The following FRMD5 variants were observed in gnomAD, a reference collection of about 807,000 sequenced individuals.
FRMD5 encodes the protein FERM domain-containing protein 5.
FRMD5 carries 20 observed loss-of-function variants against 69.0 expected under a neutral mutation model. The ratio of observed to expected loss-of-function variants is 0.29; its 90% CI spans 0.20 to 0.42. The LOEUF (loss-of-function observed/expected upper bound fraction) is 0.42, where lower values mean the gene tolerates loss of function less well. Ranked by LOEUF, FRMD5 falls within the 10% of genes least tolerant of loss-of-function variation. FRMD5 has a pLI of 1.00. For synonymous variants in FRMD5, 271 were observed against 260.1 expected (o/e 1.04, Z -0.40); for missense variants, 595 against 708.6 (o/e 0.84, Z 1.82).
chr15:43,968,369 G>A (rs2090327041), intron 1 of FRMD5, among the ~76,000 whole-genome samples: 1 of 152,224 alleles, frequency 6.6e-6, no homozygotes, highest in African/African-American at 2.4e-5. Flanking sequence ...TGAGGTAGAT[G>A]TATGCTGTCC....
At chr15:44,154,916 T>C (rs901260239) in intron 1 of FRMD5, among the ~76,000 whole-genome samples, 2 of 152,118 alleles carry the variant, frequency 1.3e-5, no homozygotes, top group African/African-American at 4.8e-5. Flanking sequence ...AATGGGTGAA[T>C]TGTAGGACAT....
chr15:44,106,252 G>A (rs1474805578), intron 1 of FRMD5, among the ~76,000 whole-genome samples: 1 of 151,954 alleles, frequency 6.6e-6, no homozygotes. Flanking sequence ...ATAGAAAGAC[G>A]AACTAATACC....
chr15:44,055,452 C>T (rs1892833331), intron 1 of FRMD5, among the ~76,000 whole-genome samples: 2 of 152,148 alleles, frequency 1.3e-5, no homozygotes, highest in African/African-American at 4.8e-5. Flanking sequence ...CTATCCTCAG[C>T]TACTAAGAGG....
chr15:43,894,550 G>A (rs915387181), intron 7 of FRMD5, among the ~76,000 whole-genome samples: 2 of 152,130 alleles, frequency 1.3e-5, no homozygotes, highest in South Asian at 2.1e-4. Context: ...CATAATGCCC[G>A]CTGAGATAAA....
chr15:44,005,496 A>T (rs1890401779), intron 1 of FRMD5, among the ~76,000 whole-genome samples: 1 of 151,912 alleles, frequency 6.6e-6, no homozygotes, highest in South Asian at 2.1e-4. Flanking sequence ...AAAAAAAAGA[A>T]AAAAGAAATA....
Position 44,064,642 on chromosome 15 carries a change from C to G in FRMD5, c.102+130311G>C, listed in dbSNP as rs1207077658. 1.3e-5 allele frequency among the ~76,000 whole-genome samples: 2 copies of G among 152,038 alleles called. 1 individual carries two copies. The highest frequency in any genetic ancestry group is 3.9e-4 in the East Asian group (2 of 5,186). On this transcript the variant is annotated intron_variant, in intron 1 of 13. Transcript: ENST00000417257. ...GCCTCTACCTCCCCCTTTAGAGGAG[C>G]TTAGAAAAAATAAAAGTGAAAAAAT...
At position 43,911,906 on chromosome 15, in the gene FRMD5, A is replaced by G. The variant is rs142102411; in HGVS notation, c.330-1927T>C. On this transcript the variant is annotated intron_variant, in intron 4 of 13. Coordinates refer to ENST00000417257, the MANE Select transcript of FRMD5 (RefSeq NM_032892.5). ...GGAGGTGGTAGGAAGGGGTCCTAGC[A>G]GGTAACTCTGAGAGGCTTGGGCTTG... 8.0e-3 allele frequency among the ~76,000 whole-genome samples: 1,211 copies of G among 152,248 alleles called. 27 individuals carry two copies. Among genetic ancestry groups the G allele is most frequent in the East Asian group, 0.064 (330 of 5,184 alleles).
intron 1 of FRMD5, among the ~76,000 whole-genome samples, chr15:44,133,750 G>A (rs1267806360): frequency 6.6e-6 from 1 of 151,806 alleles, no homozygotes; most frequent in African/African-American, 2.4e-5. Context: ...CAAAACTCTA[G>A]GAAAAAGAAG....
At chr15:44,003,773 T>C (rs887645333) in intron 1 of FRMD5, among the ~76,000 whole-genome samples, 2 of 152,374 alleles carry the variant, frequency 1.3e-5, no homozygotes, top group Middle Eastern at 3.4e-3. Flanking sequence ...CCCTACTCTA[T>C]GTTTTCGTAT....
chr15:43,960,067 G>A (rs1372103370), intron 1 of FRMD5, among the ~76,000 whole-genome samples: 5 of 150,696 alleles, frequency 3.3e-5, no homozygotes, highest in African/African-American at 4.9e-5. Flanking sequence ...ACAGACATGC[G>A]CCACCATGCC....
intron 1 of FRMD5, among the ~76,000 whole-genome samples, chr15:44,053,740 C>A (rs1892759847): frequency 6.6e-6 from 1 of 152,166 alleles, no homozygotes; most frequent in African/African-American, 2.4e-5. Context: ...GCAGTTCATT[C>A]TGAGATATCC....
intron 4 of FRMD5, among the ~76,000 whole-genome samples, chr15:43,916,891 G>C (rs1211163462): frequency 2.6e-5 from 4 of 150,976 alleles, no homozygotes. Flanking sequence ...CGATTCTCCT[G>C]TCTCAGCCTC....
rs550158596 is a variant in FRMD5 at position 43,995,465 on chromosome 15, G to A, written c.103-71156C>T. Among the ~76,000 whole-genome samples the A allele has an allele frequency of 2.7e-4, 41 of 152,220 alleles. No individual in the cohort carries two copies. In the South Asian group the frequency reaches 8.3e-3, roughly 31 times the overall value. On this transcript the variant is annotated intron_variant, in intron 1 of 13. Transcript: ENST00000417257. ...GGGCAGGCTGGGTCCTAGGTCCACA[G>A]GAGCTGGCCTGGAGCATGGGTCACC...
intron 1 of FRMD5, among the ~76,000 whole-genome samples, chr15:43,992,861 A>G (rs1424705283): frequency 6.6e-6 from 1 of 152,134 alleles, no homozygotes; most frequent in Non-Finnish European, 1.5e-5. Context: ...GGCATGAGAC[A>G]ATGGGCACTT....
In FRMD5 at chr15:43,939,015, C is replaced by T. The variant is rs568764273; in HGVS notation, c.103-14706G>A. Among the ~76,000 whole-genome samples, 10 of 151,990 alleles carry T rather than the reference C, an allele frequency of 6.6e-5. 1 individual carries two copies. Among genetic ancestry groups the T allele is most frequent in the African/African-American group, 2.4e-4 (10 of 41,400 alleles). On this transcript the variant is annotated intron_variant, in intron 1 of 13. Transcript: ENST00000417257. ...TAGCTGGGATTACAAGCATGCACCA[C>T]CACATCCGGCTAATTTTTTTTTTTT...
chr15:44,190,172 G>C (rs1264445999), intron 1 of FRMD5, among the ~76,000 whole-genome samples: 1 of 152,184 alleles, frequency 6.6e-6, no homozygotes, highest in Non-Finnish European at 1.5e-5. Context: ...ACACATTTGA[G>C]AGACGAGCAA....
At chr15:43,983,853 G>T (rs2090584284) in intron 1 of FRMD5, among the ~76,000 whole-genome samples, 1 of 152,188 alleles carries the variant, frequency 6.6e-6, no homozygotes, top group African/African-American at 2.4e-5. Flanking sequence ...GGGGCCTAGT[G>T]AGAGGCCAGG....
chr15:44,149,584 GT>G (rs2077411245), intron 1 of FRMD5, among the ~76,000 whole-genome samples: 1 of 152,012 alleles, frequency 6.6e-6, no homozygotes, highest in Admixed American at 6.6e-5. Flanking sequence ...AAAATATATA[GT>G]CACCATAAGA....
chr15:44,135,823 CAAAAA>C (rs747196640), intron 1 of FRMD5, among the ~76,000 whole-genome samples: 2 of 70,938 alleles, frequency 2.8e-5, no homozygotes, highest in Non-Finnish European at 3.3e-5. Context: ...GACTCTGTCT[CAAAAA>C]AAAAAAAAAA....
Sources: gnomAD v4.1 joint callset for allele counts (sites outside exome capture counted in the v4.1 genomes callset) on GRCh38, gnomAD v4.1.1 for gene constraint, MANE v1.5 for transcripts, NCBI Gene and HGNC (gene_info 2026-07-23, HGNC 2026-07-21) for gene names.